FASN: variants seen among roughly 807,000 people sequenced by gnomAD.
The protein encoded by FASN is fatty acid synthase.
In FASN, 50 loss-of-function variants were observed where a neutral mutation model predicts 250.0. The ratio of observed to expected loss-of-function variants is 0.20; its 90% CI spans 0.16 to 0.25. The LOEUF (loss-of-function observed/expected upper bound fraction) is 0.25, where lower values mean the gene tolerates loss of function less well. FASN is among the 10% of genes least tolerant of loss of function. The pLI, the probability that FASN is intolerant of heterozygous loss-of-function variation, is 1.00. For synonymous variants in FASN, 1,909 were observed against 1,584.0 expected (o/e 1.21, Z -4.87); for missense variants, 3,031 against 3,498.5 (o/e 0.87, Z 3.37).
chr17:82,087,613 G>A, intron 19 of FASN, 72 bp downstream of exon 19: 1 of 1,601,694 alleles, frequency 6.2e-7, no homozygotes, highest in Non-Finnish European at 8.5e-7. Context: ...CTAGCTGTGG[G>A]TGCCCTCTGT....
In FASN at chr17:82,098,179, G is replaced by A. The variant is rs1013962021; in HGVS notation, c.-66C>T. On this transcript the variant is annotated 5_prime_UTR_variant, in exon 1 of 43. Coordinates refer to ENST00000306749, the MANE Select transcript of FASN (RefSeq NM_004104.5). ...GAGAGCGAGGCTGGAGCGCGGCGGA[G>A]CGGGAGGCTGAAGCGCGGCGGAGAG... 8.3e-6 allele frequency: 3 copies of A among 361,824 alleles called. No homozygotes were observed. Among genetic ancestry groups the A allele is most frequent in the Non-Finnish European group, 1.5e-5 (3 of 202,376 alleles). The allele number at this position is 361,824 out of a possible 1,614,324, so 22.4% of individuals were successfully genotyped here.
Position 82,080,745 on chromosome 17 carries a change from T to A in FASN, c.6773A>T (p.His2258Leu), listed in dbSNP as rs373131598. The A allele has an allele frequency of 8.7e-6, 14 of 1,603,608 alleles. No individual in the cohort carries two copies. Among genetic ancestry groups the A allele is most frequent in the Non-Finnish European group, 1.2e-5 (14 of 1,176,430 alleles). The part of the protein sequence containing the change: ...HPIEGSTTVF[H>L]SLASRLSIPT... ...GATGCTGAGCCGGGAGGCCAGGCTG[T>A]GGAACACGGTGGTGGAGCCCTCGAT... The change falls in exon 39 of 43, where the codon CAC becomes CTC. Residue 2258 changes from histidine to leucine, a missense_variant. By Grantham distance (99) the His-to-Leu change is moderately conservative. Coordinates refer to ENST00000306749, the MANE Select transcript of FASN (RefSeq NM_004104.5).
chr17:82,093,082 GGAGCTC>G, intron 5 of FASN, 63 bp from the exon 6 acceptor site: 4 of 1,600,760 alleles, frequency 2.5e-6, no homozygotes, highest in Non-Finnish European at 3.4e-6. Flanking sequence ...CCCACCAGGA[GGAGCTC>G]TGGGGTGTGG....
chr17:82,096,585 T>G (rs1276864294), intron 1 of FASN, 133 bp from the exon 2 acceptor site: 4 of 1,361,746 alleles, frequency 2.9e-6, no homozygotes, highest in Admixed American at 1.7e-5. Context: ...CCCTGGCTCC[T>G]GCGGCTCCCT....
In FASN at chr17:82,085,301, C is replaced by T. The variant is rs778737573; in HGVS notation, c.4224G>A (p.Pro1408=). ...STLFLCRRPT[P]QDSPIFLPVD... ...CCGGCAGGAAGATGGGGCTGTCCTGCGGGGTGGGCCGGCGGCACAGGAAGA... is the reference window on the plus strand; with the variant it reads ...CCGGCAGGAAGATGGGGCTGTCCTGTGGGGTGGGCCGGCGGCACAGGAAGA... The change falls in exon 24 of 43, where the codon CCG becomes CCA. Residue 1408 remains proline, a synonymous_variant. Transcript: ENST00000306749. 4.6e-5 allele frequency: 74 copies of T among 1,610,884 alleles called. No homozygotes were observed. Among genetic ancestry groups the T allele is most frequent in the South Asian group, 2.6e-4 (24 of 90,972 alleles).
chr17:82,079,376 G>A lies in FASN; in HGVS notation c.7379C>T (p.Ala2460Val), dbSNP rs751413369. 22 of 1,612,832 alleles carry A rather than the reference G, an allele frequency of 1.4e-5. No homozygotes were observed. The highest frequency in any genetic ancestry group is 1.6e-4 in the Middle Eastern group (1 of 6,082). ...TGGAYGEDLG[A>V]DYNLSQVCDG... ...GCGCACCTGGGAGAGGTTGTAGTCC[G>A]CGCCCAGGTCCTCGCCGTAGGCGCC... The change falls in exon 42 of 43, where the codon GCG becomes GTG. Residue 2460 changes from alanine to valine, a missense_variant. Transcript: ENST00000306749.
In FASN at chr17:82,081,852, G is replaced by A. The variant is rs2144782192; in HGVS notation, c.6164-9C>T. The A allele has an allele frequency of 6.3e-7, 1 of 1,598,926 alleles. No homozygotes were observed. ...CCACTGCACGGCCAGGCCTGTGGGGGAGGGGGCAGGTGGGCAGAGCTGCGG... is the reference window on the plus strand; with the variant it reads ...CCACTGCACGGCCAGGCCTGTGGGGAAGGGGGCAGGTGGGCAGAGCTGCGG... On this transcript the variant is annotated splice_polypyrimidine_tract_variant and intron_variant, in intron 36 of 42. Coordinates refer to ENST00000306749, the MANE Select transcript of FASN (RefSeq NM_004104.5).
rs762781581 is a variant in FASN at position 82,090,550 on chromosome 17, G to A, written c.1695C>T (p.Asp565=). ...GCCTCAGCCCCATGCAGCTCAGCAG[G>A]TCTATGAGGCCTATCTGGGGTGGGA... ...SLTAIQIGLI[D]LLSCMGLRPD... The change falls in exon 11 of 43, where the codon GAC becomes GAT. Residue 565 remains aspartate (D), a synonymous_variant. Coordinates refer to ENST00000306749, the MANE Select transcript of FASN (RefSeq NM_004104.5). The A allele has an allele frequency of 1.2e-5, 19 of 1,611,430 alleles. No individual in the cohort carries two copies. The highest frequency in any genetic ancestry group is 1.5e-5 in the Non-Finnish European group (18 of 1,179,310).
chr17:82,084,200 G>T (rs376215453), intron 28 of FASN, 34 bp downstream of exon 28: 3 of 1,609,748 alleles, frequency 1.9e-6, no homozygotes, highest in Non-Finnish European at 2.5e-6. Context: ...CGCCATCCAC[G>T]TGGGGCCCAG....
chr17:82,089,715 C>T lies in FASN; in HGVS notation c.1882G>A (p.Glu628Lys). The T allele has an allele frequency of 6.3e-7, 1 of 1,584,740 alleles. No individual in the cohort carries two copies. The change falls in exon 12 of 43, where the codon GAG becomes AAG. Residue 628 changes from glutamate (E) to lysine (K), a missense_variant. Transcript: ENST00000306749. The part of the protein sequence containing the change: ...GAMAAVGLSW[E>K]ECKQRCPPGV... Reference sequence around the variant, plus strand: ...GGGGGGCAGCGCTGTTTACACTCCTCCCAGGACAAGCCTATGGCAGAGCCA... The same window carrying T: ...GGGGGGCAGCGCTGTTTACACTCCTTCCAGGACAAGCCTATGGCAGAGCCA...
rs755253670 is a variant in FASN at position 82,085,572 on chromosome 17, C to A, written c.4032G>T (p.Leu1344=). The change falls in exon 23 of 43, where the codon CTG becomes CTT. Residue 1344 remains leucine (L), a synonymous_variant. Transcript: ENST00000306749. ...GGGGGTGCCCCCGGAGCAGTGTGTG[C>A]AGGAGCAGAAAGCCCCCTTCTCTCA... ...AALREGGFLL[L]HTLLRGHPLG... The A allele has an allele frequency of 2.5e-6, 4 of 1,596,338 alleles. No homozygotes were observed. The East Asian group carries it at 6.8e-5, about 27-fold the overall frequency.
chr17:82,085,379 G>A lies in FASN; in HGVS notation c.4146C>T (p.Ser1382=). 2.5e-6 allele frequency: 4 copies of A among 1,611,472 alleles called. No individual in the cohort carries two copies. Among genetic ancestry groups the A allele is most frequent in the Non-Finnish European group, 3.4e-6 (4 of 1,179,494 alleles). The part of the protein sequence containing the change: ...LSQDAWESLF[S]RVSLRLVGLK... Reference sequence around the variant, plus strand: ...GGCCCACCAGGCGCAGCGACACCCTGGAGAAGAGGCTCTCCCACGCGTCCT... The same window carrying A: ...GGCCCACCAGGCGCAGCGACACCCTAGAGAAGAGGCTCTCCCACGCGTCCT... Residue 1382 remains serine (S), a synonymous_variant, in exon 24 of 43, where the codon TCC becomes TCT. Coordinates refer to ENST00000306749, the MANE Select transcript of FASN (RefSeq NM_004104.5).
At chr17:82,096,523 A>G (rs1598586089) in intron 1 of FASN, 71 bp from the exon 2 acceptor site, 20 of 1,597,294 alleles carry the variant, frequency 1.3e-5, no homozygotes, top group East Asian at 6.7e-5. Context: ...CTCGGCACCC[A>G]GAACAGGTGG....
At position 82,091,293 on chromosome 17, in the gene FASN, C is replaced by T. The variant is rs1288990294; in HGVS notation, c.1421G>A (p.Gly474Asp). 6.2e-7 allele frequency: 1 copy of T among 1,609,990 alleles called. No homozygotes were observed. The highest frequency in any genetic ancestry group is 2.2e-5 in the East Asian group (1 of 44,808). ...CACCTCTGGGCCACCGCGCTCACCA[C>T]CCAGCACAGCGTAGCCACGGAAGGG... is the stretch of plus-strand genomic sequence containing the variant. ...AMPFRGYAVL[G>D]GERGGPEVQQ... The change falls in exon 9 of 43, where the codon GGT (glycine) becomes GAT (aspartate). Residue 474 changes from glycine (G) to aspartate (D), a missense_variant. Gly to Asp is a moderately conservative substitution (Grantham distance 94). Coordinates refer to ENST00000306749, the MANE Select transcript of FASN (RefSeq NM_004104.5).
chr17:82,097,399 T>TGCACGAGGCCCCAGGGCCTGATAC (rs1388381921), intron 1 of FASN: 2 of 152,222 alleles, frequency 1.3e-5, no homozygotes, highest in Non-Finnish European at 2.9e-5. Flanking sequence ...TCTGGCCACT[T>TGCACGAGGCCCCAGGGCCTGATAC]GCACGAGGCC....
At chr17:82,091,832 A>G (rs2034215322) in intron 8 of FASN, 148 bp from the exon 9 acceptor site, 2 of 765,236 alleles carry the variant, frequency 2.6e-6, no homozygotes, top group South Asian at 3.7e-5. Context: ...TAATTCTGCC[A>G]TGGCACAGGG....
rs2034204532 is a variant in FASN at position 82,091,402 on chromosome 17, G to A, written c.1312C>T (p.Leu438=). 3.1e-6 allele frequency: 5 copies of A among 1,610,330 alleles called. No individual in the cohort carries two copies. Among genetic ancestry groups the A allele is most frequent in the Non-Finnish European group, 3.4e-6 (4 of 1,179,072 alleles). Residue 438 remains leucine (L), a synonymous_variant, in exon 9 of 43, where the codon CTG becomes TTG. Coordinates refer to ENST00000306749, the MANE Select transcript of FASN (RefSeq NM_004104.5). ...GRTPEAVQKL[L]EQGLRHSQDL... ...TGGCTGTGCCGGAGGCCCTGCTCCA[G>A]CAGCTTCTGCACGGCCTCAGGGGTG...
chr17:82,094,853 C>T (rs952957456), intron 3 of FASN, among the ~76,000 whole-genome samples: 16 of 150,812 alleles, frequency 1.1e-4, no homozygotes, highest in Admixed American at 9.9e-4. Flanking sequence ...AGGTCAAATG[C>T]CAGTCAGAGC....
chr17:82,085,075 C>G lies in FASN; in HGVS notation c.4369G>C (p.Val1457Leu), dbSNP rs200775885. Residue 1457 changes from valine (V) to leucine (L), a missense_variant, in exon 25 of 43, where the codon GTG becomes CTG. By Grantham distance (32) the Val-to-Leu change is conservative. Transcript: ENST00000306749. ...NCATSGVVGL[V>L]NCLRREPGGN... The stretch of plus-strand genomic sequence containing the variant: ...CCGGGCTCTCGGCGGAGACAGTTCA[C>G]CAAGCCCACCACGCCCGAGGTGGCA... 2.5e-6 allele frequency: 4 copies of G among 1,612,388 alleles called. No homozygotes were observed. Among genetic ancestry groups the G allele is most frequent in the Non-Finnish European group, 3.4e-6 (4 of 1,179,846 alleles).
Sources: allele counts gnomAD v4.1 joint callset (sites outside exome capture counted in the v4.1 genomes callset), GRCh38; gene constraint gnomAD v4.1.1; transcripts MANE v1.5; gene names NCBI Gene and HGNC (gene_info 2026-07-23, HGNC 2026-07-21).